Variants in TSPAN33 observed in about 807,000 individuals in gnomAD.
TSPAN33 encodes the protein tetraspanin 33.
A neutral mutation model predicts 34.8 loss-of-function variants in TSPAN33; 27 were observed. That is an observed-to-expected ratio of 0.78 (90% CI 0.57 to 1.07). The LOEUF is 1.07. Ranked by LOEUF, TSPAN33 falls within the 50% of genes least tolerant of loss-of-function variation. The pLI is 0.00. For synonymous variants in TSPAN33, 119 were observed against 124.2 expected, an observed-to-expected ratio of 0.96 and a Z score of 0.28; for missense variants, 272 against 324.9, an observed-to-expected ratio of 0.84 and a Z score of 1.25.
intron 5 of TSPAN33, chr7:129,166,335 C>G (rs1793138966): frequency 6.5e-6 from 1 of 152,852 alleles, no homozygotes; most frequent in South Asian, 2.1e-4. Context: ...ATCCAGTTGG[C>G]TCTCATGGAG....
chr7:129,163,026 T>A, intron 4 of TSPAN33, 119 bp downstream of exon 4: 1 of 954,840 alleles, frequency 1.0e-6, no homozygotes, highest in Non-Finnish European at 1.6e-6. Context: ...ACATCAGTCG[T>A]TGAAAAGTTC....
Position 129,167,253 on chromosome 7 carries a change from A to G in TSPAN33, c.589-146A>G. 1 of 1,023,812 alleles carries G rather than the reference A, an allele frequency of 9.8e-7. No homozygotes were observed. Among genetic ancestry groups the G allele is most frequent in the Non-Finnish European group, 1.4e-6 (1 of 702,938 alleles). 63.4% of individuals were successfully genotyped at this position (1,023,812 alleles called of 1,614,324 possible). On this transcript the variant is annotated intron_variant, in intron 6 of 7. Transcript: ENST00000486685. The surrounding 1 kb of genome is among the most constrained non-coding windows in gnomAD (Gnocchi z 4.6). ...ACCTCTCAGAGGAAGGGAAGTCTGC[A>G]TTTGGCAACTTCCAACCCAATATCC...
chr7:129,154,155 G>C (rs1007799451), intron 1 of TSPAN33, among the ~76,000 whole-genome samples: 1 of 150,462 alleles, frequency 6.6e-6, no homozygotes, highest in African/African-American at 2.4e-5. Flanking sequence ...AACCTAGCAA[G>C]ATCACATCTA....
intron 5 of TSPAN33, 153 bp downstream of exon 5, chr7:129,164,722 C>T (rs530109227): frequency 1.7e-5 from 11 of 656,136 alleles, no homozygotes; most frequent in African/African-American, 1.6e-4. Context: ...TAGCAGAGTG[C>T]TTTAAATGTA....
At chr7:129,155,198 A>AC (rs1810650154) in intron 1 of TSPAN33, among the ~76,000 whole-genome samples, 1 of 152,224 alleles carries the variant, frequency 6.6e-6, no homozygotes, top group South Asian at 2.1e-4. Flanking sequence ...TTGAGGGCTA[A>AC]AAAAGTGAAA....
At position 129,146,987 on chromosome 7, in the gene TSPAN33, C is replaced by G. The variant is rs148550082; in HGVS notation, c.102+1905C>G. On this transcript the variant is annotated intron_variant, in intron 1 of 7. Coordinates refer to ENST00000486685, the MANE Select transcript of TSPAN33 (RefSeq NM_178562.5). ...CTACCCCCTACCTCCACCCTACCCC[C>G]CTTTTATCGGACAAACGACTTTGAG... is the stretch of plus-strand genomic sequence containing the variant. Among the ~76,000 whole-genome samples the G allele has an allele frequency of 2.5e-4, 38 of 151,944 alleles. No individual in the cohort carries two copies. In the East Asian group the frequency reaches 4.6e-3, roughly 19 times the overall value.
chr7:129,162,293 C>T, intron 2 of TSPAN33, 101 bp from the exon 3 acceptor site: 1 of 1,544,436 alleles, frequency 6.5e-7, no homozygotes, highest in Non-Finnish European at 8.7e-7. Context: ...ATGGAGATTC[C>T]CCCACCAGGG....
rs753827896 is a variant in TSPAN33 at position 129,164,575 on chromosome 7, G to C, written c.459+6G>C. 6.2e-7 allele frequency: 1 copy of C among 1,612,874 alleles called. No homozygotes were observed. Among genetic ancestry groups the C allele is most frequent in the Non-Finnish European group, 8.5e-7 (1 of 1,179,406 alleles). On this transcript the variant is annotated splice_donor_region_variant and intron_variant, in intron 5 of 7. Coordinates refer to ENST00000486685, the MANE Select transcript of TSPAN33 (RefSeq NM_178562.5). The stretch of plus-strand genomic sequence containing the variant: ...TTGATTTTGGCCAGAAAAAGGTATG[G>C]GTCAGCCAGTGGTCTGGGGGACTGT...
Position 129,148,270 on chromosome 7 carries a change from C to G in TSPAN33, c.102+3188C>G, listed in dbSNP as rs1285972266. On this transcript the variant is annotated intron_variant, in intron 1 of 7. Coordinates refer to ENST00000486685, the MANE Select transcript of TSPAN33 (RefSeq NM_178562.5). The surrounding 1 kb of genome is among the most constrained non-coding windows in gnomAD (Gnocchi z 4.2). ...GACCTCCAGCCCCTGTGTCTCAGCC[C>G]AGGCTTCCCTAGCAGCCATGCCTCA... 1.3e-5 allele frequency among the ~76,000 whole-genome samples: 2 copies of G among 152,208 alleles called. No individual in the cohort carries two copies. The highest frequency in any genetic ancestry group is 2.9e-5 in the Non-Finnish European group (2 of 68,042).
In TSPAN33 at chr7:129,167,291, C is replaced by T; in HGVS notation, c.589-108C>T. ...CAACCCAATATCCTCCACATATATT[C>T]TCTGACAATTTAGGAGTTTGGGAAG... On this transcript the variant is annotated intron_variant, in intron 6 of 7. Coordinates refer to ENST00000486685, the MANE Select transcript of TSPAN33 (RefSeq NM_178562.5). The surrounding 1 kb of genome is among the most constrained non-coding windows in gnomAD (Gnocchi z 4.6). 7.5e-7 allele frequency: 1 copy of T among 1,334,430 alleles called. No individual in the cohort carries two copies. Among genetic ancestry groups the T allele is most frequent in the Non-Finnish European group, 1.0e-6 (1 of 964,632 alleles). The allele number at this position is 1,334,430 out of a possible 1,614,324, so 82.7% of individuals were successfully genotyped here.
At chr7:129,163,584 C>T (rs1213235543) in intron 4 of TSPAN33, among the ~76,000 whole-genome samples, 1 of 152,124 alleles carries the variant, frequency 6.6e-6, no homozygotes, top group African/African-American at 2.4e-5. Context: ...TCCCAAAAGG[C>T]AAATGATTGC....
intron 2 of TSPAN33, 58 bp downstream of exon 2, chr7:129,161,794 C>T: frequency 6.2e-7 from 1 of 1,602,580 alleles, no homozygotes; most frequent in Non-Finnish European, 8.5e-7. Flanking sequence ...TTCCCCTCTG[C>T]CTCCTTCAGC....
chr7:129,150,623 A>G (rs1176853181), intron 1 of TSPAN33, among the ~76,000 whole-genome samples: 3 of 152,198 alleles, frequency 2.0e-5, no homozygotes, highest in Non-Finnish European at 4.4e-5. Context: ...TTCTCTGAAC[A>G]TCAGCTCTAT....
At position 129,148,096 on chromosome 7, in the gene TSPAN33, G is replaced by T. The variant is rs551494343; in HGVS notation, c.102+3014G>T. Among the ~76,000 whole-genome samples the T allele has an allele frequency of 3.9e-5, 6 of 152,290 alleles. No homozygotes were observed. Among genetic ancestry groups the T allele is most frequent in the Admixed American group, 1.3e-4 (2 of 15,294 alleles). On this transcript the variant is annotated intron_variant, in intron 1 of 7. Coordinates refer to ENST00000486685, the MANE Select transcript of TSPAN33 (RefSeq NM_178562.5). The surrounding 1 kb of genome is among the most constrained non-coding windows in gnomAD (Gnocchi z 4.2). ...TCACCTCCCTCTGCAGGACAGCTCC[G>T]TGCAGATATTGGGGTGGTGCCTGCT...
intron 1 of TSPAN33, among the ~76,000 whole-genome samples, chr7:129,159,487 G>T (rs902774982): frequency 2.0e-5 from 3 of 152,200 alleles, no homozygotes; most frequent in African/African-American, 7.2e-5. Context: ...TACCATCTTT[G>T]TGGAAAATTA....
intron 1 of TSPAN33, among the ~76,000 whole-genome samples, chr7:129,150,520 C>T (rs1171115040): frequency 1.3e-5 from 2 of 152,178 alleles, no homozygotes; most frequent in Non-Finnish European, 2.9e-5. Context: ...AGCCAAGTGG[C>T]CAAGCTCATA....
At chr7:129,152,458 G>A (rs1202310478) in intron 1 of TSPAN33, among the ~76,000 whole-genome samples, 3 of 152,044 alleles carry the variant, frequency 2.0e-5, no homozygotes, top group African/African-American at 7.2e-5. Context: ...AGGCTGAGGC[G>A]GGCAGATCAC....
chr7:129,158,315 C>G (rs74645740), intron 1 of TSPAN33, among the ~76,000 whole-genome samples: 1,729 of 152,332 alleles, frequency 0.011, 43 homozygotes, highest in African/African-American at 0.04. Flanking sequence ...ACATTATTCT[C>G]TCCACCATAG....
chr7:129,154,761 A>G (rs1810645522), intron 1 of TSPAN33, among the ~76,000 whole-genome samples: 1 of 152,224 alleles, frequency 6.6e-6, no homozygotes, highest in South Asian at 2.1e-4. Context: ...AATAAAAAGT[A>G]TAAACTAACA....
Sources: allele counts gnomAD v4.1 joint callset (sites outside exome capture counted in the v4.1 genomes callset), GRCh38; gene constraint gnomAD v4.1.1; non-coding constraint Gnocchi (gnomAD v3.1); transcripts MANE v1.5; gene names NCBI Gene and HGNC (gene_info 2026-07-23, HGNC 2026-07-21).